The following ZFPM2 variants were observed in gnomAD, a reference collection of about 807,000 sequenced individuals.
ZFPM2 encodes zinc finger protein ZFPM2.
A neutral mutation model predicts 98.6 loss-of-function variants in ZFPM2; 20 were observed. The ratio of observed to expected loss-of-function variants is 0.20; its 90% CI spans 0.14 to 0.29. The LOEUF is 0.29. Ranked by LOEUF, ZFPM2 falls within the 10% of genes least tolerant of loss-of-function variation. The pLI is 1.00. For synonymous variants in ZFPM2, 518 were observed against 502.7 expected, an observed-to-expected ratio of 1.03 and a Z score of -0.41; for missense variants, 1,310 against 1,388.6, an observed-to-expected ratio of 0.94 and a Z score of 0.90.
At chr8:105,550,362 G>C (rs551167907) in intron 3 of ZFPM2, among the ~76,000 whole-genome samples, 1 of 152,242 alleles carries the variant, frequency 6.6e-6, no homozygotes, top group Admixed American at 6.5e-5. Context: ...ACCTAGTTAA[G>C]TTGTTACATT....
At chr8:105,684,611 C>T (rs144826587) in intron 5 of ZFPM2, among the ~76,000 whole-genome samples, 1 of 152,138 alleles carries the variant, frequency 6.6e-6, no homozygotes, top group East Asian at 1.9e-4. Flanking sequence ...CCAAACAAAA[C>T]ACGGTTAGTT....
At chr8:105,401,752 A>C (rs1354996614) in intron 1 of ZFPM2, among the ~76,000 whole-genome samples, 1 of 152,136 alleles carries the variant, frequency 6.6e-6, no homozygotes, top group African/African-American at 2.4e-5. Flanking sequence ...GGGTACTTAC[A>C]CTTTTTTAAA....
intron 5 of ZFPM2, among the ~76,000 whole-genome samples, chr8:105,680,141 T>C (rs566403248): frequency 4.2e-4 from 64 of 152,326 alleles, no homozygotes; most frequent in African/African-American, 1.5e-3. Context: ...TTGTATTAGC[T>C]TGAAGAAGGG....
In ZFPM2 at chr8:105,784,704, CT is replaced by C. The variant is rs1813360897; in HGVS notation, c.533-4013del. Reference sequence around the variant, plus strand: ...TTCTGCATTTTCAGGAATGAGGAAACTGATAGGTAGAATGCTTAGGTGACAA... The same window carrying C: ...TTCTGCATTTTCAGGAATGAGGAAACGATAGGTAGAATGCTTAGGTGACAA... On this transcript the variant is annotated intron_variant, in intron 5 of 7. Coordinates refer to ENST00000407775, the MANE Select transcript of ZFPM2 (RefSeq NM_012082.4). The C allele has an allele frequency of 1.4e-5, 2 of 145,540 alleles. 1 individual carries two copies. The highest frequency in any genetic ancestry group is 1.3e-4 in the Admixed American group (2 of 15,046). 9.0% of individuals were successfully genotyped at this position (145,540 alleles called of 1,614,324 possible).
At chr8:105,651,106 A>T (rs1013761453) in intron 5 of ZFPM2, among the ~76,000 whole-genome samples, 11 of 152,056 alleles carry the variant, frequency 7.2e-5, no homozygotes, top group Non-Finnish European at 1.3e-4. Flanking sequence ...ATCCCCTTCC[A>T]TGCCCAGTGA....
chr8:105,634,499 A>G, intron 5 of ZFPM2, 142 bp downstream of exon 5: 2 of 664,824 alleles, frequency 3.0e-6, no homozygotes, highest in Non-Finnish European at 5.1e-6. Context: ...TCTAATGTGT[A>G]TTTTCAGTAA....
chr8:105,394,933 G>C (rs1811191375), intron 1 of ZFPM2, among the ~76,000 whole-genome samples: 1 of 152,162 alleles, frequency 6.6e-6, no homozygotes, highest in Non-Finnish European at 1.5e-5. Flanking sequence ...TGATTCTCTG[G>C]AATCGTGTAT....
At chr8:105,703,945 C>T (rs117376870) in intron 5 of ZFPM2, among the ~76,000 whole-genome samples, 1,900 of 152,170 alleles carry the variant, frequency 0.012, 17 homozygotes, top group Non-Finnish European at 0.021. Context: ...TGACTGTTGA[C>T]AGTTTCTAGG....
At chr8:105,659,611 C>T (rs1817350495) in intron 5 of ZFPM2, among the ~76,000 whole-genome samples, 1 of 152,102 alleles carries the variant, frequency 6.6e-6, no homozygotes, top group Non-Finnish European at 1.5e-5. Flanking sequence ...TTGGAAAGGG[C>T]TATACAGATA....
chr8:105,799,118 A>T (rs1200179395), intron 7 of ZFPM2, among the ~76,000 whole-genome samples, 170 bp downstream of exon 7: 1 of 152,228 alleles, frequency 6.6e-6, no homozygotes, highest in Non-Finnish European at 1.5e-5. Context: ...TACTCAGCAT[A>T]TGTTACTCAA....
chr8:105,651,669 A>G (rs762930284), intron 5 of ZFPM2, among the ~76,000 whole-genome samples: 3 of 152,136 alleles, frequency 2.0e-5, no homozygotes, highest in Non-Finnish European at 4.4e-5. Context: ...TGGGTATTCT[A>G]CCAAGCTGGA....
chr8:105,597,952 C>A (rs1816005356), intron 4 of ZFPM2, among the ~76,000 whole-genome samples: 1 of 151,532 alleles, frequency 6.6e-6, no homozygotes, highest in Non-Finnish European at 1.5e-5. Context: ...GGATTAAATT[C>A]TGCTGGGGAT....
chr8:105,320,601 AC>A (rs1037720687), intron 1 of ZFPM2, among the ~76,000 whole-genome samples: 1 of 152,230 alleles, frequency 6.6e-6, no homozygotes, highest in Non-Finnish European at 1.5e-5. Flanking sequence ...ATTATTAGAT[AC>A]AAATGCTTTT....
intron 3 of ZFPM2, among the ~76,000 whole-genome samples, chr8:105,534,245 C>T (rs1249334463): frequency 3.6e-4 from 18 of 49,804 alleles, no homozygotes; most frequent in African/African-American, 1.5e-3. Flanking sequence ...CCTCCCTCCT[C>T]CCTCCCTCCC....
At chr8:105,373,920 C>T (rs1426944974) in intron 1 of ZFPM2, among the ~76,000 whole-genome samples, 1 of 152,128 alleles carries the variant, frequency 6.6e-6, no homozygotes, top group Non-Finnish European at 1.5e-5. Flanking sequence ...GATCCAATCA[C>T]TGGAATAGCC....
intron 1 of ZFPM2, among the ~76,000 whole-genome samples, chr8:105,326,459 C>T (rs2130656312): frequency 6.6e-6 from 1 of 151,782 alleles, no homozygotes; most frequent in East Asian, 1.9e-4. Flanking sequence ...ACTCTATATG[C>T]AGCTTACAAT....
chr8:105,460,509 G>A (rs1165847792), intron 3 of ZFPM2, among the ~76,000 whole-genome samples: 1 of 152,108 alleles, frequency 6.6e-6, no homozygotes, highest in Non-Finnish European at 1.5e-5. Context: ...AGCATCGCAG[G>A]CACGGGGAGC....
chr8:105,525,576 A>G (rs1814157682), intron 3 of ZFPM2, among the ~76,000 whole-genome samples: 1 of 152,192 alleles, frequency 6.6e-6, no homozygotes, highest in Non-Finnish European at 1.5e-5. Context: ...ATCGATAGGA[A>G]TAAGGATTGT....
At chr8:105,382,790 G>T (rs571794134) in intron 1 of ZFPM2, among the ~76,000 whole-genome samples, 7 of 152,042 alleles carry the variant, frequency 4.6e-5, no homozygotes, top group Non-Finnish European at 8.8e-5. Context: ...CCTGACAAAG[G>T]AATATTGGAA....
Sources: allele counts gnomAD v4.1 joint callset (sites outside exome capture counted in the v4.1 genomes callset), GRCh38; gene constraint gnomAD v4.1.1; transcripts MANE v1.5; gene names NCBI Gene and HGNC (gene_info 2026-07-23, HGNC 2026-07-21).